The following SP140L variants were observed in gnomAD, a reference collection of about 807,000 sequenced individuals.
SP140L encodes SP140 like nuclear body protein, also known as nuclear body protein SP140-like protein.
SP140L carries 64 observed loss-of-function variants against 84.3 expected under a neutral mutation model. The observed-to-expected ratio is 0.76, with a 90% CI of 0.62 to 0.94. The LOEUF (loss-of-function observed/expected upper bound fraction) is 0.94, where lower values mean the gene tolerates loss of function less well. Among genes scored for constraint, SP140L ranks in the 40% least tolerant of loss-of-function variants. SP140L has a pLI of 0.00. For synonymous variants in SP140L, 242 were observed against 236.9 expected (o/e 1.02, Z -0.20); for missense variants, 628 against 692.5 (o/e 0.91, Z 1.05).
chr2:230,343,108 CAGGGGTA>C (rs1358085292), intron 2 of SP140L, among the ~76,000 whole-genome samples: 3 of 117,790 alleles, frequency 2.5e-5, no homozygotes, highest in Admixed American at 8.5e-5. Context: ...CTTTTAAGTT[CAGGGGTA>C]CATGTGCAGG....
chr2:230,351,267 C>G (rs1435728936), intron 2 of SP140L, among the ~76,000 whole-genome samples: 2 of 152,200 alleles, frequency 1.3e-5, no homozygotes, highest in Non-Finnish European at 2.9e-5. Context: ...GAATCTTCTC[C>G]CACATGGCAT....
At chr2:230,345,052 T>C (rs1218104994) in intron 2 of SP140L, among the ~76,000 whole-genome samples, 4 of 152,230 alleles carry the variant, frequency 2.6e-5, no homozygotes, top group Non-Finnish European at 4.4e-5. Flanking sequence ...TCAAAATCCT[T>C]ATGATTTTCT....
At position 230,400,984 on chromosome 2, in the gene SP140L, T is replaced by G. The variant is rs776336655; in HGVS notation, c.1343T>G (p.Met448Arg). Residue 448 changes from methionine to arginine, a missense_variant, in exon 16 of 19, where the codon ATG becomes AGG. Met to Arg is a moderately conservative substitution (Grantham distance 91, BLOSUM62 -1). Coordinates refer to ENST00000415673, the MANE Select transcript of SP140L (RefSeq NM_138402.6). ...KTPWNCIFCR[M>R]KESPGSQQCC... Reference sequence around the variant, plus strand: ...CCGTGGAATTGCATCTTCTGCAGGATGAAGGAGTCTCCGGGAAGCCAACAG... The same window carrying G: ...CCGTGGAATTGCATCTTCTGCAGGAGGAAGGAGTCTCCGGGAAGCCAACAG... 2.0e-6 allele frequency: 3 copies of G among 1,537,960 alleles called. No homozygotes were observed. The highest frequency in any genetic ancestry group is 2.4e-5 in the South Asian group (2 of 84,858).
rs765809762 is a variant in SP140L at position 230,393,415 on chromosome 2, A to T, written c.1109A>T (p.Glu370Val). ...TACCTTGGTCTTTTTATCTTTCAGG[A>T]AGGATCTCTACCTAATCCTCCAAGA... Reference protein sequence around the residue: ...GGWPLRRLMEEGSLPNPPRIY... With the variant: ...GGWPLRRLMEVGSLPNPPRIY... Residue 370 changes from glutamate (E) to valine (V), a missense_variant and splice_region_variant, in exon 13 of 19, where the codon GAA becomes GTA. Physicochemically the swap from Glu to Val is moderately radical, Grantham distance 121. Coordinates refer to ENST00000415673, the MANE Select transcript of SP140L (RefSeq NM_138402.6). 2 of 1,584,964 alleles carry T rather than the reference A, an allele frequency of 1.3e-6. No homozygotes were observed. Among genetic ancestry groups the T allele is most frequent in the South Asian group, 2.4e-5 (2 of 84,324 alleles).
intron 2 of SP140L, among the ~76,000 whole-genome samples, chr2:230,335,294 A>G (rs757164162): frequency 2.6e-5 from 4 of 152,130 alleles, no homozygotes; most frequent in Non-Finnish European, 4.4e-5. Flanking sequence ...AACTTAATCT[A>G]CTTGTCAGTG....
At chr2:230,328,976 T>C in intron 2 of SP140L, 145 bp downstream of exon 2, 1 of 1,291,380 alleles carries the variant, frequency 7.7e-7, no homozygotes, top group Non-Finnish European at 1.0e-6. Flanking sequence ...AGTTGAGGTG[T>C]TTGTCTTTTT....
intron 7 of SP140L, among the ~76,000 whole-genome samples, chr2:230,378,186 T>C (rs1218730686): frequency 1.3e-5 from 2 of 152,204 alleles, no homozygotes; most frequent in African/African-American, 4.8e-5. Flanking sequence ...TGTCTATTCT[T>C]ATGCCAATAC....
chr2:230,329,397 T>C (rs1351307364), intron 2 of SP140L, among the ~76,000 whole-genome samples: 2 of 152,238 alleles, frequency 1.3e-5, no homozygotes, highest in African/African-American at 4.8e-5. Context: ...GAGTTCACAA[T>C]AGTTGTCTCA....
At chr2:230,375,898 A>G (rs1165716183) in intron 7 of SP140L, among the ~76,000 whole-genome samples, 1 of 152,060 alleles carries the variant, frequency 6.6e-6, no homozygotes, top group African/African-American at 2.4e-5. Context: ...TTGCTGTACA[A>G]ATCTTTTAGT....
At position 230,385,222 on chromosome 2, in the gene SP140L, A is replaced by C. The variant is rs771909947; in HGVS notation, c.704-2A>C. The C allele has an allele frequency of 1.2e-5, 20 of 1,613,550 alleles. No individual in the cohort carries two copies. The highest frequency in any genetic ancestry group is 1.2e-5 in the Non-Finnish European group (14 of 1,179,656). ...AATACATTTTCCCTTGCCTATCCCC[A>C]GATAACAGCAAAGCCGATGGCCAGC... On this transcript the variant is annotated splice_acceptor_variant, in intron 8 of 18. Transcript: ENST00000415673. LOFTEE classifies it high-confidence loss of function.
intron 7 of SP140L, among the ~76,000 whole-genome samples, chr2:230,373,848 A>C (rs778984371): frequency 2.0e-5 from 3 of 152,230 alleles, no homozygotes; most frequent in Non-Finnish European, 2.9e-5. Context: ...TCTGGAAAGG[A>C]TTCACCATTT....
In SP140L at chr2:230,391,408, C is replaced by A. The variant is rs116023749; in HGVS notation, c.965-679C>A. ...TATTGTTTGTCTTTTTTATTATGAT[C>A]ATCCTAGTGAGTGTGATGTGGTATC... On this transcript the variant is annotated intron_variant, in intron 11 of 18. Transcript: ENST00000415673. Among the ~76,000 whole-genome samples the A allele has an allele frequency of 9.2e-3, 1,402 of 152,282 alleles. 19 individuals carry two copies. Among genetic ancestry groups the A allele is most frequent in the African/African-American group, 0.032 (1,350 of 41,554 alleles).
chr2:230,353,091 A>T (rs1004478256), intron 2 of SP140L, among the ~76,000 whole-genome samples: 1 of 152,034 alleles, frequency 6.6e-6, no homozygotes, highest in African/African-American at 2.4e-5. Flanking sequence ...TTTATTTATC[A>T]ATGTAAAATT....
intron 14 of SP140L, 98 bp from the exon 15 acceptor site, chr2:230,400,029 A>T: frequency 2.3e-6 from 3 of 1,278,386 alleles, no homozygotes; most frequent in Non-Finnish European, 3.4e-6. Context: ...GCCTGTCTAT[A>T]CAGGCTCACA....
intron 14 of SP140L, among the ~76,000 whole-genome samples, chr2:230,399,047 C>T (rs2062188822): frequency 6.6e-6 from 1 of 152,220 alleles, no homozygotes; most frequent in African/African-American, 2.4e-5. Context: ...ACCAGATGTC[C>T]AGGCTGCACG....
chr2:230,333,766 T>C (rs1203631623), intron 2 of SP140L, among the ~76,000 whole-genome samples: 1 of 152,144 alleles, frequency 6.6e-6, no homozygotes, highest in Non-Finnish European at 1.5e-5. Flanking sequence ...TGTTTTTTTT[T>C]CTTGACAATC....
chr2:230,368,054 T>C (rs1331010066), intron 5 of SP140L, among the ~76,000 whole-genome samples: 1 of 152,252 alleles, frequency 6.6e-6, no homozygotes, highest in African/African-American at 2.4e-5. Flanking sequence ...GACTGTGGAC[T>C]TATTTTAACC....
Position 230,403,168 on chromosome 2 carries a change from T to C in SP140L, c.*272T>C. On this transcript the variant is annotated 3_prime_UTR_variant, in exon 19 of 19. Transcript: ENST00000415673. ...GACTCTCACCTCTTCTCCTGAGGTCTGCTCCAGACAACATTTATTACTCAC... is the reference window on the plus strand; with the variant it reads ...GACTCTCACCTCTTCTCCTGAGGTCCGCTCCAGACAACATTTATTACTCAC... The C allele has an allele frequency of 2.9e-6, 1 of 342,854 alleles. No individual in the cohort carries two copies. Among genetic ancestry groups the C allele is most frequent in the South Asian group, 4.7e-5 (1 of 21,096 alleles). 21.2% of individuals were successfully genotyped at this position (342,854 alleles called of 1,614,324 possible).
chr2:230,345,111 T>G (rs1439013229), intron 2 of SP140L, among the ~76,000 whole-genome samples: 1 of 152,240 alleles, frequency 6.6e-6, no homozygotes, highest in Non-Finnish European at 1.5e-5. Flanking sequence ...AGTCCCTTAC[T>G]ATTATTGTAT....
Sources: gnomAD v4.1 joint callset for allele counts (sites outside exome capture counted in the v4.1 genomes callset) on GRCh38, gnomAD v4.1.1 for gene constraint, MANE v1.5 for transcripts, NCBI Gene and HGNC (gene_info 2026-07-23, HGNC 2026-07-21) for gene names.